Variants in IQANK1 observed in about 807,000 individuals in gnomAD.
IQANK1 encodes IQ motif and ankyrin repeat domain-containing protein 1.
IQANK1 carries 30 observed loss-of-function variants against 22.6 expected under a neutral mutation model. The observed-to-expected ratio is 1.33, with a 90% confidence interval of 0.99 to 1.80. The LOEUF (loss-of-function observed/expected upper bound fraction) is 1.80, where lower values mean the gene tolerates loss of function less well. Ranked by LOEUF, IQANK1 falls within the 40% of genes most tolerant of loss-of-function variation. IQANK1 has a pLI of 0.00. For synonymous variants in IQANK1, 122 were observed against 99.6 expected, an observed-to-expected ratio of 1.23 and a Z score of -1.34; for missense variants, 275 against 235.2, an observed-to-expected ratio of 1.17 and a Z score of -1.11.
intron 3 of IQANK1, among the ~76,000 whole-genome samples, chr8:143,753,365 A>T (rs1227881433): frequency 6.6e-6 from 1 of 151,268 alleles, no homozygotes; most frequent in Non-Finnish European, 1.5e-5. Context: ...GACTTCTTCC[A>T]TGTCTTCCTT....
intron 2 of IQANK1, among the ~76,000 whole-genome samples, chr8:143,738,535 A>G (rs1818805368): frequency 6.6e-6 from 1 of 152,246 alleles, no homozygotes; most frequent in African/African-American, 2.4e-5. Context: ...GAGGCTGACT[A>G]ACGCGCTGAC....
chr8:143,761,744 A>G (rs1429202087), intron 3 of IQANK1, among the ~76,000 whole-genome samples: 1 of 152,020 alleles, frequency 6.6e-6, no homozygotes, highest in Non-Finnish European at 1.5e-5. Context: ...GCCCATAAAC[A>G]TGGAGCCTTA....
In IQANK1 at chr8:143,760,120, G is replaced by A. The variant is rs146850119; in HGVS notation, c.176-11368G>A. 2.4e-4 allele frequency among the ~76,000 whole-genome samples: 37 copies of A among 152,282 alleles called. No individual in the cohort carries two copies. In the East Asian group the frequency reaches 4.6e-3, roughly 19 times the overall value. On this transcript the variant is annotated intron_variant, in intron 3 of 13. Transcript: ENST00000527139. ...TCAGTGTTCTGTGGGCCCTGAAAGC[G>A]CAGGATGTCGCCCTTGTCTGGAGCA...
chr8:143,742,543 G>T (rs782148719), intron 3 of IQANK1: 2 of 456,086 alleles, frequency 4.4e-6, no homozygotes, highest in Non-Finnish European at 8.8e-6. Flanking sequence ...TTTCCACCAC[G>T]CAATAGATGG....
intron 2 of IQANK1, among the ~76,000 whole-genome samples, chr8:143,738,820 C>T (rs1818814844): frequency 6.6e-6 from 1 of 152,238 alleles, no homozygotes; most frequent in Non-Finnish European, 1.5e-5. Context: ...CCCTCCCTGG[C>T]CACAGACAAC....
chr8:143,777,540 C>A (rs7461398), intron 7 of IQANK1, among the ~76,000 whole-genome samples: 84,831 of 136,760 alleles, frequency 0.62, 29,274 homozygotes, highest in Non-Finnish European at 0.78. Context: ...AAAAAAAAAA[C>A]AAACCACTAA....
rs1483373688 is a variant in IQANK1 at position 143,735,226 on chromosome 8, C to G, written c.-4-624C>G. On this transcript the variant is annotated intron_variant, in intron 1 of 13. Coordinates refer to ENST00000527139, the MANE Select transcript of IQANK1 (RefSeq NM_001381874.1). The surrounding 1 kb of genome is among the most constrained non-coding windows in gnomAD (Gnocchi z 5.2). ...GCAGCGGGTGAGGGGCATGGGGCAC[C>G]GGGGAGGACCCGGACAGGCTGGGGC... Among the ~76,000 whole-genome samples, 5 of 152,186 alleles carry G rather than the reference C, an allele frequency of 3.3e-5. No homozygotes were observed. The highest frequency in any genetic ancestry group is 3.3e-4 in the Admixed American group (5 of 15,286).
chr8:143,780,801 C>T (rs541737996), intron 7 of IQANK1, among the ~76,000 whole-genome samples: 2 of 152,254 alleles, frequency 1.3e-5, no homozygotes, highest in South Asian at 4.1e-4. Flanking sequence ...GTGCATGTGT[C>T]TTTATGGTAC....
rs1554628657 is a variant in IQANK1, at chr8:143,758,611, T to A, written c.176-12877T>A. 6.6e-6 allele frequency: 1 copy of A among 152,194 alleles called. No homozygotes were observed. Among genetic ancestry groups the A allele is most frequent in the East Asian group, 1.9e-4 (1 of 5,198 alleles). 9.4% of individuals were successfully genotyped at this position (152,194 alleles called of 1,614,324 possible). A position where few individuals can be genotyped will look rare whatever the true frequency, so the allele number is the denominator to read the frequency against. On this transcript the variant is annotated intron_variant, in intron 3 of 13. Transcript: ENST00000527139. This position sits in a 1 kb window ranked among gnomAD's most constrained non-coding sequence, Gnocchi z 4.2. ...CGGCATTCTCCTACATAAAACATTA[T>A]AATTTTCCCACTACTCCAAAGGAAT...
intron 3 of IQANK1, chr8:143,745,343 T>A (rs1819006117): frequency 6.6e-6 from 1 of 152,206 alleles, no homozygotes; most frequent in South Asian, 2.1e-4. Context: ...CCTGGCTGTT[T>A]TCCCCAATAT....
At chr8:143,782,696 C>G (rs1554631062) in intron 7 of IQANK1, among the ~76,000 whole-genome samples, 2 of 152,186 alleles carry the variant, frequency 1.3e-5, no homozygotes, top group African/African-American at 4.8e-5. Context: ...AGGCTGGTCT[C>G]AAACTCCTGA....
At chr8:143,740,132 A>G (rs1818864369) in intron 3 of IQANK1, among the ~76,000 whole-genome samples, 184 bp downstream of exon 3, 1 of 151,990 alleles carries the variant, frequency 6.6e-6, no homozygotes, top group East Asian at 2.0e-4. Context: ...CAGGCCCGCG[A>G]CACGCCCGAG....
At chr8:143,742,451 G>A in intron 3 of IQANK1, 1 of 456,048 alleles carries the variant, frequency 2.2e-6, no homozygotes, top group Non-Finnish European at 4.4e-6. Context: ...AGCTGCAAAA[G>A]GGGCGAATGC....
At chr8:143,767,865 A>G (rs1819505664) in intron 3 of IQANK1, among the ~76,000 whole-genome samples, 1 of 124,922 alleles carries the variant, frequency 8.0e-6, no homozygotes, top group African/African-American at 3.0e-5. Context: ...AGCCTGGACG[A>G]TGGAGCGAGA....
At chr8:143,763,902 A>G (rs1220092781) in intron 3 of IQANK1, among the ~76,000 whole-genome samples, 2 of 152,256 alleles carry the variant, frequency 1.3e-5, no homozygotes, top group African/African-American at 4.8e-5. Flanking sequence ...CTCTTTTAAC[A>G]TATGAATACA....
intron 7 of IQANK1, among the ~76,000 whole-genome samples, chr8:143,776,327 CAAAAAAAA>C (rs57571355): frequency 9.4e-6 from 1 of 105,914 alleles, no homozygotes; most frequent in East Asian, 2.8e-4. Context: ...GACTCCGTCT[CAAAAAAAA>C]AAAAAAAAAA....
intron 7 of IQANK1, among the ~76,000 whole-genome samples, chr8:143,780,228 C>T (rs782802766): frequency 1.1e-4 from 17 of 152,052 alleles, no homozygotes; most frequent in Non-Finnish European, 1.9e-4. Context: ...CCAGTTTAAT[C>T]CTCTCAACAA....
In IQANK1 at chr8:143,772,360, G is replaced by A. The variant is rs1819595999; in HGVS notation, c.667G>A (p.Ala223Thr). The A allele has an allele frequency of 7.5e-6, 3 of 399,092 alleles. No homozygotes were observed. The highest frequency in any genetic ancestry group is 1.3e-5 in the Non-Finnish European group (3 of 226,162). The allele number at this position is 399,092 out of a possible 1,614,324, so 24.7% of individuals were successfully genotyped here. The change falls in exon 7 of 14, where the codon GCT becomes ACT. Residue 223 changes from alanine to threonine, a missense_variant. Transcript: ENST00000527139. ...GCTCGGGGGGCCCGTCTTGCAGGGCGCTTTCGGTCCGACGCCGCTGTACCG... is the reference window on the plus strand; with the variant it reads ...GCTCGGGGGGCCCGTCTTGCAGGGCACTTTCGGTCCGACGCCGCTGTACCG... ...ELGASPNSKG[A>T]FGPTPLYRAA...
intron 3 of IQANK1, among the ~76,000 whole-genome samples, chr8:143,748,815 TATATAA>T (rs1388697153): frequency 8.6e-6 from 1 of 116,500 alleles, no homozygotes; most frequent in African/African-American, 3.6e-5. Context: ...ATCATATAAA[TATATAA>T]ATATATATTT....
Sources: gnomAD v4.1 joint callset for allele counts (sites outside exome capture counted in the v4.1 genomes callset) on GRCh38, gnomAD v4.1.1 for gene constraint, Gnocchi (gnomAD v3.1) non-coding constraint, MANE v1.5 for transcripts, NCBI Gene and HGNC (gene_info 2026-07-23, HGNC 2026-07-21) for gene names.